THEMIS: variants seen among roughly 807,000 people sequenced by gnomAD.
The protein encoded by THEMIS is thymocyte selection associated, also known as protein THEMIS.
A neutral mutation model predicts 52.6 loss-of-function variants in THEMIS; 37 were observed. That is an observed-to-expected ratio of 0.70 (90% confidence interval 0.54 to 0.93). The LOEUF is 0.93. Among genes scored for constraint, THEMIS ranks in the 40% least tolerant of loss-of-function variants. The pLI is 0.00. For missense variants in THEMIS, 808 were observed against 763.1 expected (o/e 1.06, Z -0.69); for synonymous variants, 292 against 272.7 (o/e 1.07, Z -0.70).
At chr6:127,860,442 T>C (rs1464671705) in intron 1 of THEMIS, among the ~76,000 whole-genome samples, 2 of 152,058 alleles carry the variant, frequency 1.3e-5, no homozygotes, top group Non-Finnish European at 2.9e-5. Flanking sequence ...TGGGATTACA[T>C]AATAAGAAAA....
chr6:127,893,111 T>C (rs577269840), intron 1 of THEMIS, among the ~76,000 whole-genome samples: 168 of 152,204 alleles, frequency 1.1e-3, no homozygotes, highest in African/African-American at 4.0e-3. Flanking sequence ...TTTTATTTTA[T>C]AAATTTAATT....
chr6:127,700,989 A>G, the THEMIS span, among the ~76,000 whole-genome samples: 4 of 152,032 alleles, frequency 2.6e-5, no homozygotes, highest in Admixed American at 6.6e-5. Flanking sequence ...CTATTTTCAA[A>G]CTTGTGCTTA....
chr6:127,829,706 G>T lies in THEMIS; in HGVS notation c.479C>A (p.Thr160Asn). ...TGACAAAGGCAAATTAAATGAGTGA[G>T]TTTGATGATTCCTTGCTACTGCACA... ...VSCAVARNHQ[T>N]HSFNLPLSQE... The change falls in exon 3 of 6, where the codon ACT becomes AAT. Residue 160 changes from threonine (T) to asparagine (N), a missense_variant. By Grantham distance (65) the Thr-to-Asn change is moderately conservative. Coordinates refer to ENST00000368248, the MANE Select transcript of THEMIS (RefSeq NM_001010923.3). 6.2e-7 allele frequency: 1 copy of T among 1,614,094 alleles called. No homozygotes were observed. The highest frequency in any genetic ancestry group is 2.2e-5 in the East Asian group (1 of 44,856).
chr6:127,716,420 T>C lies in THEMIS; in HGVS notation c.1894+3268A>G, dbSNP rs143720238. 4.6e-3 allele frequency among the ~76,000 whole-genome samples: 699 copies of C among 151,954 alleles called. 4 individuals are homozygous for C. The highest frequency in any genetic ancestry group is 0.016 in the African/African-American group (656 of 41,496). On this transcript the variant is annotated intron_variant, in intron 5 of 5. Coordinates refer to ENST00000368248, the MANE Select transcript of THEMIS (RefSeq NM_001010923.3). ...CGCCCTTGGCTGAAAAAAAGCCACATTGCCCATAACCATAGACCCTTCTCA... is the reference window on the plus strand; with the variant it reads ...CGCCCTTGGCTGAAAAAAAGCCACACTGCCCATAACCATAGACCCTTCTCA...
At chr6:127,834,832 A>G (rs1361450808) in intron 2 of THEMIS, among the ~76,000 whole-genome samples, 1 of 152,148 alleles carries the variant, frequency 6.6e-6, no homozygotes, top group Non-Finnish European at 1.5e-5. Context: ...ATTACATATT[A>G]ATAATGTTAG....
chr6:127,844,503 T>C (rs981921160), intron 2 of THEMIS, among the ~76,000 whole-genome samples: 1 of 151,878 alleles, frequency 6.6e-6, no homozygotes, highest in African/African-American at 2.4e-5. Context: ...TATCTGGCCT[T>C]ATAATTTTAA....
chr6:127,836,228 A>G (rs1397925013), intron 2 of THEMIS, among the ~76,000 whole-genome samples: 1 of 152,122 alleles, frequency 6.6e-6, no homozygotes, highest in African/African-American at 2.4e-5. Context: ...TGTGTTGTTC[A>G]GTATTGATGT....
At chr6:127,796,793 TA>T (rs1562263128) in intron 4 of THEMIS, among the ~76,000 whole-genome samples, 1 of 152,198 alleles carries the variant, frequency 6.6e-6, no homozygotes, top group African/African-American at 2.4e-5. Context: ...TATACATGCA[TA>T]CTCATCAGCA....
intron 3 of THEMIS, among the ~76,000 whole-genome samples, chr6:127,821,377 G>T (rs944808071): frequency 7.9e-5 from 12 of 152,106 alleles, no homozygotes; most frequent in African/African-American, 2.6e-4. Context: ...AACATTCCTG[G>T]AGGTTTGTAT....
chr6:127,907,337 A>T (rs925523685), intron 1 of THEMIS, among the ~76,000 whole-genome samples: 229 of 49,418 alleles, frequency 4.6e-3, no homozygotes, highest in Non-Finnish European at 5.0e-3. Flanking sequence ...TTAGGCTCGG[A>T]TTTTTTTTTT....
intron 1 of THEMIS, among the ~76,000 whole-genome samples, chr6:127,881,974 A>G (rs1389271035): frequency 6.7e-6 from 1 of 149,052 alleles, no homozygotes; most frequent in Non-Finnish European, 1.5e-5. Flanking sequence ...GTTATATAGT[A>G]GCTGAAGTGT....
intron 1 of THEMIS, among the ~76,000 whole-genome samples, chr6:127,873,365 A>G (rs990734447): frequency 1.3e-5 from 2 of 152,234 alleles, no homozygotes; most frequent in African/African-American, 4.8e-5. Context: ...CAAAGGAGGT[A>G]GGAATTCAAC....
chr6:127,877,190 G>C (rs1447899377), intron 1 of THEMIS, among the ~76,000 whole-genome samples: 5 of 152,138 alleles, frequency 3.3e-5, no homozygotes, highest in Admixed American at 3.3e-4. Flanking sequence ...ATCTGAATTA[G>C]GATTTGGCTA....
intron 4 of THEMIS, among the ~76,000 whole-genome samples, chr6:127,775,938 T>C (rs1776552661): frequency 6.6e-6 from 1 of 152,182 alleles, no homozygotes; most frequent in South Asian, 2.1e-4. Context: ...TTCTCTCAGA[T>C]TGGCACTTTT....
At chr6:127,748,612 A>G (rs1775531259) in intron 4 of THEMIS, among the ~76,000 whole-genome samples, 1 of 152,068 alleles carries the variant, frequency 6.6e-6, no homozygotes, top group African/African-American at 2.4e-5. Context: ...GAGACAGTTA[A>G]ATCGTAACAA....
Position 127,855,205 on chromosome 6 carries a change from G to A in THEMIS, c.92-17C>T. The A allele has an allele frequency of 1.3e-6, 2 of 1,564,442 alleles. No individual in the cohort carries two copies. Among genetic ancestry groups the A allele is most frequent in the Non-Finnish European group, 1.7e-6 (2 of 1,160,160 alleles). ...AAATAGAGCCTAAAAGGAAAGAAAA[G>A]TTAAAACAGCTTTTTAAAAAGAAAA... On this transcript the variant is annotated splice_polypyrimidine_tract_variant and intron_variant, in intron 1 of 5. Coordinates refer to ENST00000368248, the MANE Select transcript of THEMIS (RefSeq NM_001010923.3).
At chr6:127,833,764 G>A (rs2114673432) in intron 2 of THEMIS, among the ~76,000 whole-genome samples, 1 of 152,178 alleles carries the variant, frequency 6.6e-6, no homozygotes. Flanking sequence ...ACTTCTAATG[G>A]AAACACTGGA....
At chr6:127,865,816 G>C (rs1779954918) in intron 1 of THEMIS, among the ~76,000 whole-genome samples, 1 of 152,088 alleles carries the variant, frequency 6.6e-6, no homozygotes, top group Admixed American at 6.6e-5. Context: ...GTATGCATGT[G>C]TGTTTGAACT....
At chr6:127,827,901 C>T (rs1414501771) in intron 3 of THEMIS, among the ~76,000 whole-genome samples, 1 of 152,150 alleles carries the variant, frequency 6.6e-6, no homozygotes, top group Non-Finnish European at 1.5e-5. Context: ...CTTCAAGACC[C>T]TCCATGATTG....
Sources: allele counts gnomAD v4.1 joint callset (sites outside exome capture counted in the v4.1 genomes callset), GRCh38; gene constraint gnomAD v4.1.1; transcripts MANE v1.5; gene names NCBI Gene and HGNC (gene_info 2026-07-23, HGNC 2026-07-21).